The following SMAD6 variants were observed in gnomAD, a reference collection of about 807,000 sequenced individuals.
SMAD6 encodes SMAD family member 6, also known as MAD homolog 6.
Under a neutral mutation model 39.4 loss-of-function variants are expected in SMAD6, and 103 were observed. The ratio of observed to expected loss-of-function variants is 2.62; its 90% confidence interval spans 2.23 to 3.08. SMAD6 has a LOEUF of 3.08. Ranked by LOEUF, SMAD6 falls within the 30% of genes most tolerant of loss-of-function variation. SMAD6 has a pLI of 0.00. For synonymous variants in SMAD6, 445 were observed against 353.3 expected (o/e 1.26, Z -2.91); for missense variants, 1,104 against 742.9 (o/e 1.49, Z -5.65).
At chr15:66,713,996 G>A (rs1893280089) in intron 2 of SMAD6, among the ~76,000 whole-genome samples, 1 of 152,208 alleles carries the variant, frequency 6.6e-6, no homozygotes, top group Admixed American at 6.5e-5. Flanking sequence ...CCACTCAGGT[G>A]GGTGGCTCAC....
At chr15:66,717,369 A>G (rs1287592477) in intron 3 of SMAD6, 1 of 456,224 alleles carries the variant, frequency 2.2e-6, no homozygotes, top group Admixed American at 2.3e-5. Flanking sequence ...AATCATAGCC[A>G]TTTATTGAGT....
intron 3 of SMAD6, among the ~76,000 whole-genome samples, chr15:66,741,461 C>T (rs1457787418): frequency 3.3e-5 from 5 of 152,194 alleles, no homozygotes; most frequent in Non-Finnish European, 5.9e-5. Context: ...TTTTCCTGCT[C>T]CTGGCCTCAG....
At chr15:66,740,702 C>A (rs62005646) in intron 3 of SMAD6, 14,996 of 152,164 alleles carry the variant, frequency 0.099, 1,019 homozygotes, top group Non-Finnish European at 0.14. Context: ...AGCGGTGGGA[C>A]TGTTTTATCC....
At chr15:66,744,822 TG>T (rs1195185143) in intron 3 of SMAD6, among the ~76,000 whole-genome samples, 1 of 152,140 alleles carries the variant, frequency 6.6e-6, no homozygotes, top group Non-Finnish European at 1.5e-5. Flanking sequence ...TAGGAAGAAC[TG>T]GGTGGGGAGT....
intron 3 of SMAD6, among the ~76,000 whole-genome samples, chr15:66,752,251 G>T (rs991034823): frequency 1.3e-5 from 2 of 152,040 alleles, no homozygotes; most frequent in African/African-American, 4.8e-5. Context: ...TTGCCTCTGT[G>T]GGGGGCCCTC....
intron 3 of SMAD6, among the ~76,000 whole-genome samples, chr15:66,729,893 C>G (rs544379247): frequency 1.3e-5 from 2 of 152,224 alleles, no homozygotes; most frequent in Admixed American, 6.5e-5. Flanking sequence ...CTGCTCCAGA[C>G]GAGGGCCTGG....
Position 66,781,687 on chromosome 15 carries a change from TG to T in SMAD6, c.*154del. On this transcript the variant is annotated 3_prime_UTR_variant, in exon 4 of 4. Transcript: ENST00000288840. The stretch of plus-strand genomic sequence containing the variant: ...TTAATATAAAGTTTTATATATTATA[TG>T]GAAATATATATTATACTTGTAATTA... The T allele has an allele frequency of 2.2e-6, 1 of 453,824 alleles. No individual in the cohort carries two copies. The highest frequency in any genetic ancestry group is 3.8e-6 in the Non-Finnish European group (1 of 261,584). 28.1% of individuals were successfully genotyped at this position (453,824 alleles called of 1,614,324 possible).
chr15:66,716,878 C>CA (rs1893340809), intron 3 of SMAD6: 1 of 749,230 alleles, frequency 1.3e-6, no homozygotes, highest in Non-Finnish European at 1.9e-6. Flanking sequence ...CTCCTGTCCT[C>CA]ACTCCAGGGG....
At chr15:66,726,450 A>G (rs1010652129) in intron 3 of SMAD6, among the ~76,000 whole-genome samples, 3 of 152,118 alleles carry the variant, frequency 2.0e-5, no homozygotes, top group Non-Finnish European at 4.4e-5. Flanking sequence ...TTGGGGGGCT[A>G]GGTGATGAAA....
At position 66,703,455 on chromosome 15, in the gene SMAD6, G is replaced by A. The variant is rs1893024612; in HGVS notation, c.197G>A (p.Arg66Gln). 7.9e-7 allele frequency: 1 copy of A among 1,272,034 alleles called. No individual in the cohort carries two copies. Among genetic ancestry groups the A allele is most frequent in the African/African-American group, 1.6e-5 (1 of 64,226 alleles). The allele number at this position is 1,272,034 out of a possible 1,614,324, so 78.8% of individuals were successfully genotyped here. The part of the protein sequence containing the change: ...GRSEVRPVAP[R>Q]RPRDAVGQRG... ...TCCGAAGTCCGCCCGGTAGCCCCGC[G>A]GCGGCCCCGGGACGCAGTGGGACAG... Residue 66 changes from arginine to glutamine, a missense_variant, in exon 1 of 4, where the codon CGG becomes CAG. Physicochemically the swap from Arg to Gln is conservative, Grantham distance 43. Transcript: ENST00000288840.
intron 2 of SMAD6, 82 bp from the exon 3 acceptor site, chr15:66,716,339 T>G: frequency 1.0e-6 from 1 of 969,634 alleles, no homozygotes; most frequent in East Asian, 2.4e-5. Context: ...CACGTGCACA[T>G]GTACAGAGAT....
At chr15:66,737,783 G>T (rs960974694) in intron 3 of SMAD6, among the ~76,000 whole-genome samples, 1 of 151,704 alleles carries the variant, frequency 6.6e-6, no homozygotes, top group African/African-American at 2.4e-5. Flanking sequence ...AAAAAGGCCC[G>T]TGTGGCAAAC....
In SMAD6 at chr15:66,703,063, T is replaced by C. The variant is rs1893009275; in HGVS notation, c.-196T>C. On this transcript the variant is annotated 5_prime_UTR_variant, in exon 1 of 4. Coordinates refer to ENST00000288840, the MANE Select transcript of SMAD6 (RefSeq NM_005585.5). ...CTCGGCGTGCGCGTGTTCCCGGCCG[T>C]CCCGCCTCGGCGAGCTCCCTCATGT... The C allele has an allele frequency of 7.2e-6, 3 of 414,136 alleles. No homozygotes were observed. The highest frequency in any genetic ancestry group is 6.2e-5 in the African/African-American group (3 of 48,320). The allele number at this position is 414,136 out of a possible 1,614,324, so 25.7% of individuals were successfully genotyped here. A position where few individuals can be genotyped will look rare whatever the true frequency, so the allele number is the denominator to read the frequency against.
In SMAD6 at chr15:66,703,072, G is replaced by A. The variant is rs1315000330; in HGVS notation, c.-187G>A. On this transcript the variant is annotated 5_prime_UTR_variant, in exon 1 of 4. Transcript: ENST00000288840. ...CGCGTGTTCCCGGCCGTCCCGCCTC[G>A]GCGAGCTCCCTCATGTTGTCGCCCT... The A allele has an allele frequency of 4.7e-6, 2 of 422,962 alleles. No homozygotes were observed. Among genetic ancestry groups the A allele is most frequent in the Non-Finnish European group, 8.4e-6 (2 of 236,778 alleles). The allele number at this position is 422,962 out of a possible 1,614,324, so 26.2% of individuals were successfully genotyped here.
chr15:66,738,057 A>C (rs991063949), intron 3 of SMAD6, among the ~76,000 whole-genome samples: 1 of 152,224 alleles, frequency 6.6e-6, no homozygotes, highest in Non-Finnish European at 1.5e-5. Context: ...TTACATTGCT[A>C]TGCTACCATC....
chr15:66,772,210 A>C (rs758682875), intron 3 of SMAD6, among the ~76,000 whole-genome samples: 1 of 152,222 alleles, frequency 6.6e-6, no homozygotes, highest in African/African-American at 2.4e-5. Context: ...CACATCTCTA[A>C]GCCTAGATAG....
chr15:66,741,894 A>C (rs2074005937), intron 3 of SMAD6, among the ~76,000 whole-genome samples: 1 of 152,162 alleles, frequency 6.6e-6, no homozygotes, highest in Admixed American at 6.5e-5. Flanking sequence ...GAGGCTACTG[A>C]GGCTGCAAGG....
chr15:66,776,785 G>C (rs1894474688), intron 3 of SMAD6, among the ~76,000 whole-genome samples: 1 of 152,226 alleles, frequency 6.6e-6, no homozygotes, highest in Admixed American at 6.5e-5. Context: ...TAAAGCGGTG[G>C]TAGTCTGGGT....
intron 3 of SMAD6, among the ~76,000 whole-genome samples, chr15:66,737,249 ACTT>A (rs2140632003): frequency 6.6e-6 from 1 of 152,222 alleles, no homozygotes; most frequent in Admixed American, 6.5e-5. Context: ...CAGTCCCTCT[ACTT>A]GGAATGCCCT....
Sources: allele counts gnomAD v4.1 joint callset (sites outside exome capture counted in the v4.1 genomes callset), GRCh38; gene constraint gnomAD v4.1.1; transcripts MANE v1.5; gene names NCBI Gene and HGNC (gene_info 2026-07-23, HGNC 2026-07-21).